Variants in PPARGC1A observed in about 807,000 individuals in gnomAD.
The protein encoded by PPARGC1A is peroxisome proliferator-activated receptor gamma coactivator 1-alpha.
Under a neutral mutation model 88.7 loss-of-function variants are expected in PPARGC1A, and 25 were observed. That is an observed-to-expected ratio of 0.28 (90% CI 0.21 to 0.39). The LOEUF (loss-of-function observed/expected upper bound fraction) is 0.39, where lower values mean the gene tolerates loss of function less well. PPARGC1A is among the 10% of genes least tolerant of loss of function. The pLI is 1.00. For synonymous variants in PPARGC1A, 363 were observed against 355.6 expected, an observed-to-expected ratio of 1.02 and a Z score of -0.24; for missense variants, 880 against 968.7, an observed-to-expected ratio of 0.91 and a Z score of 1.22.
chr4:23,987,538 C>T, the PPARGC1A span, among the ~76,000 whole-genome samples: 1 of 151,958 alleles, frequency 6.6e-6, no homozygotes, highest in Non-Finnish European at 1.5e-5. Context: ...TCTCTATTGC[C>T]TTAGGGGTCT....
the PPARGC1A span, among the ~76,000 whole-genome samples, chr4:24,270,315 C>G: frequency 1.8e-4 from 2 of 10,924 alleles, no homozygotes; most frequent in Admixed American, 1.4e-3. Context: ...ACCTCTCTCT[C>G]TCTCTCTCTC....
chr4:24,325,030 AGC>A, the PPARGC1A span, among the ~76,000 whole-genome samples: 1 of 152,080 alleles, frequency 6.6e-6, no homozygotes, highest in Non-Finnish European at 1.5e-5. Flanking sequence ...CCACCTGCCC[AGC>A]AATTTACTCT....
At chr4:24,441,275 G>C in the PPARGC1A span, among the ~76,000 whole-genome samples, 1 of 152,092 alleles carries the variant, frequency 6.6e-6, no homozygotes, top group Non-Finnish European at 1.5e-5. Context: ...ATAGCTTCCT[G>C]ACCACTTCTT....
chr4:24,279,438 T>TG, the PPARGC1A span, among the ~76,000 whole-genome samples: 1 of 151,810 alleles, frequency 6.6e-6, no homozygotes, highest in African/African-American at 2.4e-5. Context: ...AACATGGGAG[T>TG]GTTCAGGATG....
the PPARGC1A span, chr4:24,091,378 C>T: frequency 1.1e-6 from 1 of 922,206 alleles, no homozygotes; most frequent in Non-Finnish European, 1.3e-6. Context: ...AGCACAGTTC[C>T]ACAAATTGAT....
the PPARGC1A span, among the ~76,000 whole-genome samples, chr4:24,379,309 G>A: frequency 6.6e-6 from 1 of 152,118 alleles, no homozygotes; most frequent in African/African-American, 2.4e-5. Flanking sequence ...GATAAAGAGA[G>A]GTTGGTTAAT....
chr4:23,960,097 C>T, the PPARGC1A span, among the ~76,000 whole-genome samples: 1 of 152,126 alleles, frequency 6.6e-6, no homozygotes, highest in Non-Finnish European at 1.5e-5. Context: ...CTAGGCTAAC[C>T]TTTAAAAACT....
At chr4:23,944,924 T>A in the PPARGC1A span, among the ~76,000 whole-genome samples, 2 of 152,174 alleles carry the variant, frequency 1.3e-5, no homozygotes, top group Admixed American at 1.3e-4. Context: ...TTATTAGCAG[T>A]GTGAGAATGG....
At chr4:24,195,229 T>C in the PPARGC1A span, among the ~76,000 whole-genome samples, 1 of 152,316 alleles carries the variant, frequency 6.6e-6, no homozygotes, top group Non-Finnish European at 1.5e-5. Context: ...AAGGCTTAGC[T>C]TTCTTACCTG....
intron 3 of PPARGC1A, 56 bp from the exon 4 acceptor site, chr4:23,829,641 A>T: frequency 6.6e-7 from 1 of 1,526,318 alleles, no homozygotes; most frequent in Admixed American, 1.8e-5. Context: ...TCTTTTAAGC[A>T]TTGGAATAAG....
the PPARGC1A span, among the ~76,000 whole-genome samples, chr4:24,224,508 T>A: frequency 3.9e-5 from 6 of 152,236 alleles, no homozygotes; most frequent in Non-Finnish European, 8.8e-5. Flanking sequence ...ATACCTGGTC[T>A]GGCATATGCT....
rs2109300031 is a variant in PPARGC1A, at chr4:23,795,572, A to G, written c.*250T>C. Reference sequence around the variant, plus strand: ...AGACTCCAGGAAAAGCAAAGCTGACACCCATGAATAAACATGTGCTTACTG... The same window carrying G: ...AGACTCCAGGAAAAGCAAAGCTGACGCCCATGAATAAACATGTGCTTACTG... On this transcript the variant is annotated 3_prime_UTR_variant, in exon 13 of 13. Transcript: ENST00000264867. 4.9e-6 allele frequency: 2 copies of G among 408,462 alleles called. No individual in the cohort carries two copies. The highest frequency in any genetic ancestry group is 5.2e-5 in the East Asian group (1 of 19,144). The allele number at this position is 408,462 out of a possible 1,614,324, so 25.3% of individuals were successfully genotyped here.
At chr4:23,911,328 T>C in the PPARGC1A span, among the ~76,000 whole-genome samples, 6 of 152,190 alleles carry the variant, frequency 3.9e-5, no homozygotes, top group African/African-American at 1.4e-4. Context: ...TTTCCACTAA[T>C]CTTATTTACA....
At chr4:24,139,168 C>T in the PPARGC1A span, among the ~76,000 whole-genome samples, 1 of 151,454 alleles carries the variant, frequency 6.6e-6, no homozygotes, top group African/African-American at 2.4e-5. Flanking sequence ...GAGTCTCACT[C>T]TGTCACCCAG....
chr4:24,115,477 C>T, the PPARGC1A span, among the ~76,000 whole-genome samples: 1 of 152,094 alleles, frequency 6.6e-6, no homozygotes, highest in African/African-American at 2.4e-5. Context: ...ACTCTGTGCA[C>T]GTGATATGCA....
At chr4:23,903,382 A>T (rs540605544), upstream of PPARGC1A, among the ~76,000 whole-genome samples, 1 of 152,350 alleles carries the variant, frequency 6.6e-6, no homozygotes, top group South Asian at 2.1e-4. Context: ...GTCGGTGAAG[A>T]TATTTAAATG....
the PPARGC1A span, among the ~76,000 whole-genome samples, chr4:24,238,676 C>T: frequency 2.6e-5 from 4 of 151,804 alleles, no homozygotes; most frequent in Admixed American, 6.6e-5. Context: ...TTTACCTATC[C>T]ACCTCTCCTT....
the PPARGC1A span, among the ~76,000 whole-genome samples, chr4:24,246,680 G>A: frequency 6.6e-6 from 1 of 152,156 alleles, no homozygotes; most frequent in Non-Finnish European, 1.5e-5. Flanking sequence ...TAAGATGTAA[G>A]GTTTAAATTT....
intron 12 of PPARGC1A, among the ~76,000 whole-genome samples, chr4:23,796,399 G>T (rs1442200164): frequency 6.6e-6 from 1 of 152,122 alleles, no homozygotes; most frequent in African/African-American, 2.4e-5. Context: ...GAGGCAGGAG[G>T]GGACATATGA....
Sources: allele counts gnomAD v4.1 joint callset (sites outside exome capture counted in the v4.1 genomes callset), GRCh38; gene constraint gnomAD v4.1.1; transcripts MANE v1.5; gene names NCBI Gene and HGNC (gene_info 2026-07-23, HGNC 2026-07-21).